The following ANKRD28 variants were observed in gnomAD, a reference collection of about 807,000 sequenced individuals.
The protein encoded by ANKRD28 is ankyrin repeat domain 28, also known as serine/threonine-protein phosphatase 6 regulatory ankyrin repeat subunit A.
A neutral mutation model predicts 126.5 loss-of-function variants in ANKRD28; 44 were observed. The observed-to-expected ratio is 0.35, with a 90% CI of 0.27 to 0.45. The LOEUF (loss-of-function observed/expected upper bound fraction) is 0.45. Ranked by LOEUF, ANKRD28 falls within the 20% of genes least tolerant of loss-of-function variation. ANKRD28 has a pLI of 1.00. For missense variants in ANKRD28, 1,110 were observed against 1,316.6 expected, an observed-to-expected ratio of 0.84 and a Z score of 2.43; for synonymous variants, 442 against 468.5, an observed-to-expected ratio of 0.94 and a Z score of 0.73.
At chr3:15,823,495 C>A (rs898277609) in intron 1 of ANKRD28, among the ~76,000 whole-genome samples, 6 of 152,180 alleles carry the variant, frequency 3.9e-5, no homozygotes, top group African/African-American at 1.2e-4. Context: ...AACATAAATT[C>A]TTCTCAAAAT....
intron 2 of ANKRD28, among the ~76,000 whole-genome samples, chr3:15,787,958 T>C (rs1362290649): frequency 2.0e-5 from 3 of 152,196 alleles, no homozygotes; most frequent in Non-Finnish European, 4.4e-5. Context: ...AAGCAGAATA[T>C]ACAAGGTAAC....
At position 15,803,964 on chromosome 3, in the gene ANKRD28, A is replaced by G. The variant is rs76628164; in HGVS notation, c.28-8658T>C. On this transcript the variant is annotated intron_variant, in intron 1 of 27. Transcript: ENST00000399451. ...CTAGGTGAATATTAAAAAAATTCAT[A>G]AAGAATGGTGAGATCTGGCTCAATT... Among the ~76,000 whole-genome samples the G allele has an allele frequency of 2.2e-3, 326 of 145,382 alleles. 51 individuals carry two copies. Among genetic ancestry groups the G allele is most frequent in the African/African-American group, 8.1e-3 (314 of 38,902 alleles).
intron 2 of ANKRD28, among the ~76,000 whole-genome samples, chr3:15,774,867 T>G (rs910817571): frequency 3.9e-5 from 6 of 152,044 alleles, no homozygotes; most frequent in African/African-American, 1.4e-4. Context: ...GGCAGGAGAT[T>G]TATTTATGTA....
chr3:15,759,400 T>G (rs980321536), intron 3 of ANKRD28, among the ~76,000 whole-genome samples: 3 of 152,224 alleles, frequency 2.0e-5, no homozygotes, highest in African/African-American at 4.8e-5. Context: ...AGCTCACTGT[T>G]TGCTATTATT....
intron 1 of ANKRD28, among the ~76,000 whole-genome samples, chr3:15,806,214 T>A (rs978720632): frequency 6.6e-6 from 1 of 152,230 alleles, no homozygotes; most frequent in African/African-American, 2.4e-5. Context: ...CTTGTAACAA[T>A]GTTAATTCAG....
chr3:15,785,200 T>G (rs953113435), intron 2 of ANKRD28, among the ~76,000 whole-genome samples: 1 of 152,114 alleles, frequency 6.6e-6, no homozygotes, highest in Non-Finnish European at 1.5e-5. Flanking sequence ...AAAGGCATGT[T>G]CAATGAAGAA....
chr3:15,779,419 T>G (rs2059441557), intron 2 of ANKRD28, among the ~76,000 whole-genome samples: 2 of 152,194 alleles, frequency 1.3e-5, no homozygotes, highest in Non-Finnish European at 2.9e-5. Flanking sequence ...CTAAAGAGCT[T>G]ATATGCTTAT....
intron 1 of ANKRD28, among the ~76,000 whole-genome samples, chr3:15,822,805 A>C (rs1274036377): frequency 6.6e-6 from 1 of 152,204 alleles, no homozygotes; most frequent in Non-Finnish European, 1.5e-5. Context: ...GGAGCTAAAG[A>C]ATAAAATAAT....
chr3:15,713,115 G>A (rs1005067332), intron 10 of ANKRD28, among the ~76,000 whole-genome samples: 2 of 151,978 alleles, frequency 1.3e-5, no homozygotes, highest in African/African-American at 2.4e-5. Flanking sequence ...GAACTCCTTC[G>A]TAGGATTCCA....
intron 14 of ANKRD28, among the ~76,000 whole-genome samples, chr3:15,706,659 C>T (rs1029169178): frequency 3.9e-5 from 6 of 152,116 alleles, no homozygotes; most frequent in African/African-American, 9.7e-5. Context: ...CTTGATGAAT[C>T]GCCACACTGT....
chr3:15,709,007 T>C (rs1328505032), intron 13 of ANKRD28, among the ~76,000 whole-genome samples: 1 of 152,194 alleles, frequency 6.6e-6, no homozygotes, highest in Non-Finnish European at 1.5e-5. Flanking sequence ...CTTTCCTGTA[T>C]GGTTCTAATG....
chr3:15,696,328 G>A (rs2069547257), intron 14 of ANKRD28, 83 bp from the exon 15 acceptor site: 3 of 889,438 alleles, frequency 3.4e-6, no homozygotes, highest in Non-Finnish European at 3.4e-6. Context: ...ATTAAAAACT[G>A]ACAATTTTTC....
intron 14 of ANKRD28, 45 bp downstream of exon 14, chr3:15,707,879 T>G: frequency 6.3e-7 from 1 of 1,575,726 alleles, no homozygotes; most frequent in Non-Finnish European, 8.7e-7. Flanking sequence ...AAGATGCCAG[T>G]TTATAGAAAT....
intron 21 of ANKRD28, 141 bp downstream of exon 21, chr3:15,685,085 T>C: frequency 1.3e-6 from 1 of 751,440 alleles, no homozygotes; most frequent in Non-Finnish European, 2.2e-6. Flanking sequence ...ACGTACTAAG[T>C]ATTATTAGTA....
intron 4 of ANKRD28, among the ~76,000 whole-genome samples, chr3:15,748,956 A>T (rs1014008058): frequency 6.6e-6 from 1 of 152,004 alleles, no homozygotes; most frequent in Non-Finnish European, 1.5e-5. Context: ...CAAGCGCTAA[A>T]GTTCTTCTGT....
chr3:15,850,946 A>G (rs1559598986), intron 1 of ANKRD28, among the ~76,000 whole-genome samples: 1 of 152,180 alleles, frequency 6.6e-6, no homozygotes. Flanking sequence ...GGATCTGACA[A>G]TATCTACAGG....
Position 15,796,430 on chromosome 3 carries a change from T to C in ANKRD28, c.92A>G (p.His31Arg). 2 of 1,288,246 alleles carry C rather than the reference T, an allele frequency of 1.6e-6. No individual in the cohort carries two copies. Among genetic ancestry groups the C allele is most frequent in the Non-Finnish European group, 2.0e-6 (2 of 987,878 alleles). The allele number at this position is 1,288,246 out of a possible 1,614,324, so 79.8% of individuals were successfully genotyped here. The part of the protein sequence containing the change: ...SKLPQENKSL[H>R]SPPSGNVLPS... ...CAATACATTTCCAGAAGGTGGAGAA[T>C]GTAGGGATTTATTTTCCTGTGGCAA... The change falls in exon 1 of 28, where the codon CAT (histidine) becomes CGT (arginine). Residue 31 changes from histidine (H) to arginine (R), a missense_variant. Physicochemically the swap from His to Arg is conservative, Grantham distance 29. Coordinates refer to ENST00000683139, the MANE Select transcript of ANKRD28 (RefSeq NM_001349278.2).
rs2066029014 is a variant in ANKRD28, at chr3:15,667,310, C to T, written c.*2960G>A. Reference sequence around the variant, plus strand: ...AAATTAACCCCAAAATTTACAGCTACACTTAGAGATCTCCTGAACTAAATG... The same window carrying T: ...AAATTAACCCCAAAATTTACAGCTATACTTAGAGATCTCCTGAACTAAATG... On this transcript the variant is annotated 3_prime_UTR_variant, in exon 28 of 28. Transcript: ENST00000683139. 1 of 152,176 alleles carries T rather than the reference C, an allele frequency of 6.6e-6. No individual in the cohort carries two copies. The highest frequency in any genetic ancestry group is 1.5e-5 in the Non-Finnish European group (1 of 68,038). The allele number at this position is 152,176 out of a possible 1,614,324, so 9.4% of individuals were successfully genotyped here.
Position 15,850,204 on chromosome 3 carries a change from A to AAATATATATATATAT in ANKRD28, c.27+9172_27+9173insATATATATATATATT, listed in dbSNP as rs1486394619. On this transcript the variant is annotated intron_variant, in intron 1 of 27. Transcript: ENST00000399451. ...TCTACATGCAATAAAAAAAAAAAAA[A>AAATATATATATATAT]ATATATATATATATATATATAGAGA... Among the ~76,000 whole-genome samples the AAATATATATATATAT allele has an allele frequency of 5.8e-4, 32 of 54,816 alleles. 2 individuals are homozygous for AAATATATATATATAT. Among genetic ancestry groups the AAATATATATATATAT allele is most frequent in the South Asian group, 1.3e-3 (2 of 1,572 alleles). 36.0% of individuals were successfully genotyped at this position (54,816 alleles called of 152,430 possible). A position where few individuals can be genotyped will look rare whatever the true frequency, so the allele number is the denominator to read the frequency against.
Sources: gnomAD v4.1 joint callset for allele counts (sites outside exome capture counted in the v4.1 genomes callset) on GRCh38, gnomAD v4.1.1 for gene constraint, MANE v1.5 for transcripts, NCBI Gene and HGNC (gene_info 2026-07-23, HGNC 2026-07-21) for gene names.